The following FANCC variants were observed in gnomAD, a reference collection of about 807,000 sequenced individuals.
The protein encoded by FANCC is Fanconi anemia group C protein.
A neutral mutation model predicts 71.3 loss-of-function variants in FANCC; 55 were observed. The ratio of observed to expected loss-of-function variants is 0.77; its 90% CI spans 0.62 to 0.97. FANCC has a LOEUF of 0.97. FANCC is among the 50% of genes least tolerant of loss of function. The pLI, the probability that FANCC is intolerant of heterozygous loss-of-function variation, is 0.00. For synonymous variants in FANCC, 275 were observed against 244.9 expected (o/e 1.12, Z -1.15); for missense variants, 678 against 670.9 (o/e 1.01, Z -0.12).
chr9:95,163,763 C>T (rs548888795), intron 6 of FANCC, among the ~76,000 whole-genome samples: 8 of 152,292 alleles, frequency 5.3e-5, no homozygotes, highest in African/African-American at 1.2e-4. Context: ...GCAGGAGAAT[C>T]GCTTGAATCC....
intron 4 of FANCC, among the ~76,000 whole-genome samples, chr9:95,230,236 C>T (rs913634464): frequency 6.6e-6 from 1 of 152,174 alleles, no homozygotes; most frequent in Admixed American, 6.5e-5. Context: ...GGGTTCCGTG[C>T]GGTGTAGTGC....
At chr9:95,293,003 A>G in intron 1 of FANCC, 1 of 1,580,500 alleles carries the variant, frequency 6.3e-7, no homozygotes, top group Non-Finnish European at 8.7e-7. Flanking sequence ...ACAGGGACCC[A>G]CCTAGTAAGA....
At chr9:95,303,190 C>G (rs917448552) in intron 1 of FANCC, among the ~76,000 whole-genome samples, 4 of 152,166 alleles carry the variant, frequency 2.6e-5, no homozygotes, top group African/African-American at 9.7e-5. Context: ...GCTAATGAAT[C>G]TGAGGAAGTG....
rs532982050 is a variant in FANCC at position 95,301,531 on chromosome 9, G to A, written c.-79+15995C>T. Among the ~76,000 whole-genome samples the A allele has an allele frequency of 5.0e-4, 76 of 151,806 alleles. No homozygotes were observed. The South Asian group carries it at 0.015, about 29-fold the overall frequency. ...ACTGCAGCCTCAACCTCCTCCAAGC[G>A]ATCCTCCCACCTCAGCCTCCCTAGT... is the stretch of plus-strand genomic sequence containing the variant. On this transcript the variant is annotated intron_variant, in intron 1 of 14. Transcript: ENST00000289081.
At chr9:95,252,397 C>T (rs1375394991) in intron 1 of FANCC, among the ~76,000 whole-genome samples, 1 of 150,664 alleles carries the variant, frequency 6.6e-6, no homozygotes, top group Non-Finnish European at 1.5e-5. Context: ...TATTTGGGAA[C>T]CCAGTAAAAT....
chr9:95,137,158 C>T (rs1193852713), intron 7 of FANCC, among the ~76,000 whole-genome samples: 1 of 152,246 alleles, frequency 6.6e-6, no homozygotes, highest in Non-Finnish European at 1.5e-5. Flanking sequence ...TTCACCATGA[C>T]TTTTGGGCCA....
intron 4 of FANCC, among the ~76,000 whole-genome samples, chr9:95,215,963 T>TAA (rs1358862034): frequency 6.6e-6 from 1 of 152,240 alleles, no homozygotes; most frequent in African/African-American, 2.4e-5. Flanking sequence ...AATGGCTTGT[T>TAA]ACTTAACAAC....
At chr9:95,144,173 T>C (rs1208356118) in intron 7 of FANCC, among the ~76,000 whole-genome samples, 1 of 152,172 alleles carries the variant, frequency 6.6e-6, no homozygotes, top group Admixed American at 6.5e-5. Flanking sequence ...CACTGATTGA[T>C]TGGATCAGCC....
chr9:95,214,851 T>C lies in FANCC; in HGVS notation c.345+25798A>G, dbSNP rs141758379. 1.9e-3 allele frequency among the ~76,000 whole-genome samples: 288 copies of C among 152,140 alleles called. 2 individuals are homozygous for C. The highest frequency in any genetic ancestry group is 6.8e-3 in the Middle Eastern group (2 of 294). On this transcript the variant is annotated intron_variant, in intron 4 of 14. Coordinates refer to ENST00000289081, the MANE Select transcript of FANCC (RefSeq NM_000136.3). The stretch of plus-strand genomic sequence containing the variant: ...AATGGTGGTGCCGGGGCAGAGGAAA[T>C]GGAGAATTACTGTTGAATGGGTACT...
At chr9:95,169,669 A>G (rs529089861) in intron 6 of FANCC, among the ~76,000 whole-genome samples, 1 of 152,346 alleles carries the variant, frequency 6.6e-6, no homozygotes, top group South Asian at 2.1e-4. Flanking sequence ...ATCAATTTCA[A>G]TGTGGCTATT....
At chr9:95,171,902 G>GC (rs1339652410) in intron 5 of FANCC, 135 bp downstream of exon 5, 5 of 674,314 alleles carry the variant, frequency 7.4e-6, no homozygotes, top group Admixed American at 2.3e-5. Flanking sequence ...CCATAAGTCT[G>GC]CCCAAGGTAA....
At chr9:95,248,987 T>C (rs919777663) in intron 2 of FANCC, 140 bp downstream of exon 2, 1 of 783,146 alleles carries the variant, frequency 1.3e-6, no homozygotes, top group Non-Finnish European at 2.1e-6. Context: ...AAACCAGCTC[T>C]TGAGTAATTT....
chr9:95,180,177 A>C (rs898964761), intron 4 of FANCC, among the ~76,000 whole-genome samples: 5 of 152,054 alleles, frequency 3.3e-5, no homozygotes, highest in African/African-American at 9.7e-5. Flanking sequence ...GGGTCAGGTA[A>C]TTAATATCAC....
At chr9:95,201,438 T>G (rs1763143251) in intron 4 of FANCC, among the ~76,000 whole-genome samples, 1 of 152,090 alleles carries the variant, frequency 6.6e-6, no homozygotes, top group Non-Finnish European at 1.5e-5. Context: ...TTGGAAATGT[T>G]AAGAAAAAAA....
At chr9:95,291,967 AATATATAT>A (rs34066396) in intron 1 of FANCC, among the ~76,000 whole-genome samples, 23 of 50,414 alleles carry the variant, frequency 4.6e-4, no homozygotes, top group East Asian at 2.2e-3. Context: ...AAAAAAAAAA[AATATATAT>A]ATATATATAT....
chr9:95,244,798 G>A (rs189576657), intron 3 of FANCC, among the ~76,000 whole-genome samples: 13 of 147,470 alleles, frequency 8.8e-5, no homozygotes, highest in Non-Finnish European at 1.6e-4. Flanking sequence ...GGAACACTTC[G>A]ATCACAAGAT....
chr9:95,188,230 C>A (rs925974325), intron 4 of FANCC, among the ~76,000 whole-genome samples: 1 of 152,186 alleles, frequency 6.6e-6, no homozygotes, highest in Non-Finnish European at 1.5e-5. Context: ...CTATCTCCCA[C>A]AAGAGATGCA....
At chr9:95,266,898 A>G (rs1832413602) in intron 1 of FANCC, among the ~76,000 whole-genome samples, 1 of 152,216 alleles carries the variant, frequency 6.6e-6, no homozygotes, top group Non-Finnish European at 1.5e-5. Flanking sequence ...TGTGACTTCC[A>G]GTTAAGATGG....
At chr9:95,204,802 T>C (rs1231933326) in intron 4 of FANCC, among the ~76,000 whole-genome samples, 1 of 152,184 alleles carries the variant, frequency 6.6e-6, no homozygotes, top group East Asian at 1.9e-4. Flanking sequence ...CTTGTCCCAG[T>C]TGCACCCAGA....
Sources: gnomAD v4.1 joint callset for allele counts (sites outside exome capture counted in the v4.1 genomes callset) on GRCh38, gnomAD v4.1.1 for gene constraint, MANE v1.5 for transcripts, NCBI Gene and HGNC (gene_info 2026-07-23, HGNC 2026-07-21) for gene names.